ART3: variants seen among roughly 807,000 people sequenced by gnomAD.
ART3 encodes ecto-ADP-ribosyltransferase 3.
Under a neutral mutation model 48.5 loss-of-function variants are expected in ART3, and 49 were observed. The ratio of observed to expected loss-of-function variants is 1.01; its 90% CI spans 0.80 to 1.28. ART3 has a LOEUF of 1.28. Among genes scored for constraint, ART3 ranks in the 50% most tolerant of loss-of-function variants. ART3 has a pLI of 0.00. For missense variants in ART3, 438 were observed against 454.3 expected (o/e 0.96, Z 0.33); for synonymous variants, 145 against 157.2 (o/e 0.92, Z 0.58).
At chr4:76,036,821 T>C (rs6532114) in intron 1 of ART3, 148,621 of 246,540 alleles carry the variant, frequency 0.6, 46,339 homozygotes, top group East Asian at 0.94. Flanking sequence ...CTTCTCTTGG[T>C]GCAGATGTTT....
chr4:76,103,472 C>G (rs1727792165), intron 8 of ART3, among the ~76,000 whole-genome samples: 1 of 152,128 alleles, frequency 6.6e-6, no homozygotes, highest in African/African-American at 2.4e-5. Context: ...TGCAGTGTAC[C>G]AAGCACTTTT....
At chr4:76,095,835 C>T (rs752382440) in intron 3 of ART3, among the ~76,000 whole-genome samples, 1 of 152,204 alleles carries the variant, frequency 6.6e-6, no homozygotes, top group Non-Finnish European at 1.5e-5. Context: ...CTGTAGCTTT[C>T]TTATCCACAA....
intron 1 of ART3, chr4:76,022,086 G>C: frequency 1.1e-6 from 1 of 871,266 alleles, no homozygotes; most frequent in Non-Finnish European, 1.9e-6. Context: ...GGATTATAGG[G>C]GTTGCTTTTT....
chr4:76,019,602 C>T (rs1392373663), intron 1 of ART3, among the ~76,000 whole-genome samples: 3 of 116,488 alleles, frequency 2.6e-5, no homozygotes, highest in East Asian at 5.0e-4. Context: ...TACAGGCGCC[C>T]GCCACTACGC....
At chr4:76,068,714 A>C (rs371311499) in intron 1 of ART3, among the ~76,000 whole-genome samples, 5 of 152,202 alleles carry the variant, frequency 3.3e-5, no homozygotes, top group African/African-American at 1.2e-4. Context: ...GTGATGAAGT[A>C]ATGGGTACAA....
At chr4:76,020,143 T>C (rs1186909925) in intron 1 of ART3, among the ~76,000 whole-genome samples, 1 of 152,108 alleles carries the variant, frequency 6.6e-6, no homozygotes, top group Non-Finnish European at 1.5e-5. Flanking sequence ...TTTTTTCTTT[T>C]AGAGATGAGG....
upstream of ART3, among the ~76,000 whole-genome samples, chr4:76,072,465 A>G (rs558006314): frequency 1.9e-4 from 29 of 152,134 alleles, no homozygotes; most frequent in African/African-American, 3.4e-4. Context: ...CAGCAACAAC[A>G]CACATACACA....
At chr4:76,076,122 A>G (rs1320840410) in intron 2 of ART3, among the ~76,000 whole-genome samples, 164 bp downstream of exon 2, 2 of 150,806 alleles carry the variant, frequency 1.3e-5, no homozygotes, top group Non-Finnish European at 2.9e-5. Context: ...TTCCTGCCTC[A>G]GCCTCCCCAG....
intron 1 of ART3, among the ~76,000 whole-genome samples, chr4:76,027,920 T>TAAAG (rs369793426): frequency 6.6e-6 from 1 of 151,460 alleles, no homozygotes; most frequent in African/African-American, 2.4e-5. Context: ...TAACCAAATC[T>TAAAG]CAGATAGACT....
chr4:76,049,409 A>G (rs1038885056), intron 1 of ART3, among the ~76,000 whole-genome samples: 1 of 151,870 alleles, frequency 6.6e-6, no homozygotes, highest in African/African-American at 2.4e-5. Context: ...AGGGTCAGCC[A>G]ACATGTTGTC....
chr4:76,052,541 G>A (rs561409117), intron 1 of ART3, among the ~76,000 whole-genome samples: 4 of 152,024 alleles, frequency 2.6e-5, no homozygotes, highest in South Asian at 2.1e-4. Context: ...GGCTTTTAGT[G>A]TATCCATCAC....
At chr4:76,105,511 T>C in intron 10 of ART3, 1 of 1,288,762 alleles carries the variant, frequency 7.8e-7, no homozygotes, top group Non-Finnish European at 1.0e-6. Flanking sequence ...GAAAACCTCT[T>C]TCTTGTTTAG....
chr4:76,015,876 G>T lies in ART3; in HGVS notation c.-10+4556G>T, dbSNP rs1732206668. Among the ~76,000 whole-genome samples the T allele has an allele frequency of 2.0e-5, 3 of 152,206 alleles. No individual in the cohort carries two copies. The East Asian group carries it at 5.8e-4, about 29-fold the overall frequency. Reference sequence around the variant, plus strand: ...ACTCCTGGGCTCAAGCGATCCTCTGGCCTTGGCCTCCTAGAGTGCTGGGAC... The same window carrying T: ...ACTCCTGGGCTCAAGCGATCCTCTGTCCTTGGCCTCCTAGAGTGCTGGGAC... On this transcript the variant is annotated intron_variant, in intron 1 of 9. Coordinates refer to the ART3 transcript ENST00000341029.
chr4:76,034,928 A>G (rs1169369879), intron 1 of ART3: 124 of 1,352,232 alleles, frequency 9.2e-5, no homozygotes, highest in Non-Finnish European at 7.3e-6. Context: ...ACCCCTTAAC[A>G]GAATATTTCA....
At chr4:76,081,680 C>T in intron 2 of ART3, 144 bp from the exon 3 acceptor site, 1 of 724,260 alleles carries the variant, frequency 1.4e-6, no homozygotes, top group Non-Finnish European at 2.3e-6. Flanking sequence ...GAATATACTT[C>T]CTGCATAAAA....
At chr4:76,093,180 G>T (rs941134276) in intron 3 of ART3, among the ~76,000 whole-genome samples, 1 of 152,152 alleles carries the variant, frequency 6.6e-6, no homozygotes, top group Non-Finnish European at 1.5e-5. Context: ...TCAGCACTTT[G>T]GGAGGCTGAG....
At chr4:76,062,850 G>T (rs563626791) in intron 1 of ART3, among the ~76,000 whole-genome samples, 31 of 152,118 alleles carry the variant, frequency 2.0e-4, no homozygotes, top group Admixed American at 3.3e-4. Flanking sequence ...GTGAGCCACC[G>T]AGCCCGGCCC....
upstream of ART3, among the ~76,000 whole-genome samples, chr4:76,070,676 G>A (rs915359130): frequency 6.6e-6 from 1 of 152,162 alleles, no homozygotes; most frequent in East Asian, 1.9e-4. Context: ...ATGCAGCCCA[G>A]CAATCATAAG....
At chr4:76,106,835 T>C (rs1421424269) in intron 10 of ART3, among the ~76,000 whole-genome samples, 1 of 152,198 alleles carries the variant, frequency 6.6e-6, no homozygotes, top group Non-Finnish European at 1.5e-5. Flanking sequence ...TTGAAATGCA[T>C]GAGGCTAGAA....
Sources: gnomAD v4.1 joint callset for allele counts (sites outside exome capture counted in the v4.1 genomes callset) on GRCh38, gnomAD v4.1.1 for gene constraint, MANE v1.5 for transcripts, NCBI Gene and HGNC (gene_info 2026-07-23, HGNC 2026-07-21) for gene names.